COX4I1: variants seen among roughly 807,000 people sequenced by gnomAD.
COX4I1 encodes cytochrome c oxidase subunit 4I1.
In COX4I1, 18 loss-of-function variants were observed where a neutral mutation model predicts 21.7. The observed-to-expected ratio is 0.83, with a 90% CI of 0.57 to 1.23. The LOEUF (loss-of-function observed/expected upper bound fraction) is 1.23. Among genes scored for constraint, COX4I1 ranks in the 50% most tolerant of loss-of-function variants. COX4I1 has a pLI of 0.00. For synonymous variants in COX4I1, 100 were observed against 81.5 expected (o/e 1.23, Z -1.23); for missense variants, 238 against 220.7 (o/e 1.08, Z -0.50).
At chr16:85,803,928 G>C (rs895242396) in intron 2 of COX4I1, 4 of 152,364 alleles carry the variant, frequency 2.6e-5, no homozygotes, top group African/African-American at 9.6e-5. Context: ...TTTCTCCAGA[G>C]TACTTTTTCC....
chr16:85,805,923 C>T lies in COX4I1; in HGVS notation c.373+59C>T, dbSNP rs533657464. On this transcript the variant is annotated intron_variant, in intron 4 of 4. Transcript: ENST00000253452. ...GACTGGGGCTCCAGCCTGCAGTGCC[C>T]ATTGGTGGGCTGTCGGGGACCTCCA... The T allele has an allele frequency of 5.0e-6, 8 of 1,607,334 alleles. No individual in the cohort carries two copies. In the Admixed American group the frequency reaches 1.2e-4, roughly 23 times the overall value.
chr16:85,801,347 C>T, intron 2 of COX4I1, 69 bp downstream of exon 2: 1 of 1,394,404 alleles, frequency 7.2e-7, no homozygotes, highest in Non-Finnish European at 1.0e-6. Context: ...GTGTATAAAG[C>T]CCTGTGCTGG....
At chr16:85,800,459 A>C (rs1318495057) in intron 1 of COX4I1, among the ~76,000 whole-genome samples, 1 of 152,146 alleles carries the variant, frequency 6.6e-6, no homozygotes. Flanking sequence ...GTCTATGTAC[A>C]GGCGGTATTA....
intron 2 of COX4I1, among the ~76,000 whole-genome samples, chr16:85,802,239 C>T (rs1480172992): frequency 2.6e-5 from 4 of 152,222 alleles, no homozygotes; most frequent in African/African-American, 9.7e-5. Context: ...ATCATTCACC[C>T]TCGATACAAA....
chr16:85,806,477 C>T (rs750975329), intron 4 of COX4I1: 14 of 706,136 alleles, frequency 2.0e-5, no homozygotes, highest in African/African-American at 1.4e-4. Context: ...CTCTGTTTGT[C>T]AGATCCTGTT....
At position 85,806,943 on chromosome 16, in the gene COX4I1, T is replaced by C; in HGVS notation, c.*69T>C. On this transcript the variant is annotated 3_prime_UTR_variant, in exon 5 of 5. Transcript: ENST00000253452. ...GCCATGCAACTCCATGCCTATTTAC[T>C]GGAAACCTGTTATGCCAAACAGTTG... is the stretch of plus-strand genomic sequence containing the variant. 1 of 1,528,090 alleles carries C rather than the reference T, an allele frequency of 6.5e-7. No individual in the cohort carries two copies. The highest frequency in any genetic ancestry group is 8.9e-7 in the Non-Finnish European group (1 of 1,125,568). The allele number at this position is 1,528,090 out of a possible 1,614,324, so 94.7% of individuals were successfully genotyped here. A position where few individuals can be genotyped will look rare whatever the true frequency, so the allele number is the denominator to read the frequency against.
At position 85,805,862 on chromosome 16, in the gene COX4I1, A is replaced by G; in HGVS notation, c.371A>G (p.Tyr124Cys). 6.2e-7 allele frequency: 1 copy of G among 1,614,166 alleles called. No individual in the cohort carries two copies. Among genetic ancestry groups the G allele is most frequent in the Non-Finnish European group, 8.5e-7 (1 of 1,180,022 alleles). The change falls in exon 4 of 5, where the codon TAT (tyrosine) becomes TGT (cysteine). Residue 124 changes from tyrosine (Y) to cysteine (C), a missense_variant and splice_region_variant. Transcript: ENST00000253452. Reference sequence around the variant, plus strand: ...CTCGTTATCATGTGGCAGAAGCACTATGGTGAGTAGAGAGGGAGGAAGGCA... The same window carrying G: ...CTCGTTATCATGTGGCAGAAGCACTGTGGTGAGTAGAGAGGGAGGAAGGCA... ...TALVIMWQKH[Y>C]VYGPLPQSFD...
chr16:85,806,292 G>T (rs1274328898), intron 4 of COX4I1: 2 of 606,412 alleles, frequency 3.3e-6, no homozygotes, highest in African/African-American at 1.9e-5. Flanking sequence ...TAGTTTGTGT[G>T]TGGGCATTGC....
chr16:85,804,886 T>C (rs1467819531), intron 2 of COX4I1, 51 bp from the exon 3 acceptor site: 2 of 1,530,534 alleles, frequency 1.3e-6, no homozygotes, highest in Non-Finnish European at 8.9e-7. Context: ...CACCTTGGGG[T>C]GACTCTCAAC....
intron 4 of COX4I1, 49 bp downstream of exon 4, chr16:85,805,913 C>A: frequency 6.2e-7 from 1 of 1,610,902 alleles, no homozygotes; most frequent in South Asian, 1.1e-5. Context: ...GGGCTCCAGC[C>A]TGCAGTGCCC....
intron 2 of COX4I1, chr16:85,804,213 A>G (rs996394607): frequency 6.0e-5 from 3 of 49,732 alleles, no homozygotes; most frequent in African/African-American, 2.0e-4. Context: ...TTTGTTTCTG[A>G]ACTTGAAACG....
At chr16:85,802,764 T>C (rs144300062) in intron 2 of COX4I1, among the ~76,000 whole-genome samples, 1 of 152,220 alleles carries the variant, frequency 6.6e-6, no homozygotes, top group Non-Finnish European at 1.5e-5. Flanking sequence ...AAATGTTTGG[T>C]ATATTAACCA....
chr16:85,805,918 G>A lies in COX4I1; in HGVS notation c.373+54G>A, dbSNP rs765521065. 1.9e-6 allele frequency: 3 copies of A among 1,609,256 alleles called. No individual in the cohort carries two copies. The African/African-American group carries it at 4.0e-5, about 21-fold the overall frequency. The stretch of plus-strand genomic sequence containing the variant: ...GCCTGGACTGGGGCTCCAGCCTGCA[G>A]TGCCCATTGGTGGGCTGTCGGGGAC... On this transcript the variant is annotated intron_variant, in intron 4 of 4. Transcript: ENST00000253452.
chr16:85,802,048 T>C (rs1332571347), intron 2 of COX4I1, among the ~76,000 whole-genome samples: 1 of 152,142 alleles, frequency 6.6e-6, no homozygotes, highest in Admixed American at 6.5e-5. Flanking sequence ...TAGTAGAGTC[T>C]ACACCCTGCC....
rs1276833253 is a variant in COX4I1 at position 85,805,755 on chromosome 16, G to C, written c.264G>C (p.Glu88Asp). ...KVELYRIKFK[E>D]SFAEMNRGSN... ...CAGTGTATCGCATTAAGTTCAAGGA[G>C]AGCTTTGCTGAGATGAACAGGGGCT... Residue 88 changes from glutamate (E) to aspartate (D), a missense_variant, in exon 4 of 5, where the codon GAG becomes GAC. Glu to Asp is a conservative substitution (Grantham distance 45, BLOSUM62 2). Coordinates refer to ENST00000253452, the MANE Select transcript of COX4I1 (RefSeq NM_001861.6). 9 of 1,614,266 alleles carry C rather than the reference G, an allele frequency of 5.6e-6. No individual in the cohort carries two copies. The highest frequency in any genetic ancestry group is 5.9e-6 in the Non-Finnish European group (7 of 1,180,056).
chr16:85,801,398 GGAGATATAAATGT>G, intron 2 of COX4I1, 120 bp downstream of exon 2: 1 of 737,092 alleles, frequency 1.4e-6, no homozygotes, highest in Non-Finnish European at 2.3e-6. Context: ...GGTCTTTAGG[GGAGATATAAATGT>G]TCTCACAGGG....
intron 3 of COX4I1, 45 bp from the exon 4 acceptor site, chr16:85,805,688 C>T (rs1906134752): frequency 3.7e-6 from 6 of 1,607,986 alleles, no homozygotes; most frequent in Non-Finnish European, 5.1e-6. Context: ...GAGGAGGGAG[C>T]TGCTGACCTT....
Position 85,805,656 on chromosome 16 carries a change from G to C in COX4I1, c.242-77G>C, listed in dbSNP as rs902199258. Reference sequence around the variant, plus strand: ...TCCTCCTTCACAAGTGTGGTTTTGGGGAGAAGTGGTTGAATGTTGCAGAGG... The same window carrying C: ...TCCTCCTTCACAAGTGTGGTTTTGGCGAGAAGTGGTTGAATGTTGCAGAGG... On this transcript the variant is annotated intron_variant, in intron 3 of 4. Transcript: ENST00000253452. 6 of 1,592,064 alleles carry C rather than the reference G, an allele frequency of 3.8e-6. No homozygotes were observed. In the South Asian group the frequency reaches 6.8e-5, roughly 18 times the overall value.
chr16:85,800,458 C>T (rs1372202240), intron 1 of COX4I1, among the ~76,000 whole-genome samples: 1 of 152,170 alleles, frequency 6.6e-6, no homozygotes, highest in Non-Finnish European at 1.5e-5. Flanking sequence ...AGTCTATGTA[C>T]AGGCGGTATT....
Sources: allele counts gnomAD v4.1 joint callset (sites outside exome capture counted in the v4.1 genomes callset), GRCh38; gene constraint gnomAD v4.1.1; transcripts MANE v1.5; gene names NCBI Gene and HGNC (gene_info 2026-07-23, HGNC 2026-07-21).